Variants in HYDIN observed in about 807,000 individuals in gnomAD.
The protein encoded by HYDIN is axonemal central pair apparatus protein HYDIN.
HYDIN carries 132 observed loss-of-function variants against 403.9 expected under a neutral mutation model. The observed-to-expected ratio is 0.33, with a 90% CI of 0.28 to 0.38. The LOEUF is 0.38. HYDIN is among the 10% of genes least tolerant of loss of function. The pLI, the probability that HYDIN is intolerant of heterozygous loss-of-function variation, is 1.00. For missense variants in HYDIN, 2,827 were observed against 5,009.5 expected (o/e 0.56, Z 13.15); for synonymous variants, 1,202 against 1,891.7 (o/e 0.64, Z 9.46).
At chr16:71,160,239 A>T (rs2085945855) in intron 6 of HYDIN, among the ~76,000 whole-genome samples, 1 of 147,876 alleles carries the variant, frequency 6.8e-6, no homozygotes, top group Non-Finnish European at 1.5e-5. Flanking sequence ...CACAGCAGTA[A>T]GCCACTGAGC....
intron 60 of HYDIN, among the ~76,000 whole-genome samples, chr16:70,880,675 C>T (rs1346476611): frequency 6.6e-6 from 1 of 152,160 alleles, no homozygotes; most frequent in Non-Finnish European, 1.5e-5. Flanking sequence ...GCTAGAACAA[C>T]CTCCCACAGC....
At chr16:71,135,392 A>C (rs1021585316) in intron 8 of HYDIN, among the ~76,000 whole-genome samples, 1 of 146,848 alleles carries the variant, frequency 6.8e-6, no homozygotes, top group African/African-American at 2.5e-5. Context: ...ATTGGTTTAA[A>C]TTTTTTTAGA....
intron 83 of HYDIN, among the ~76,000 whole-genome samples, chr16:70,819,041 G>A (rs1386483033): frequency 1.4e-5 from 2 of 142,308 alleles, no homozygotes; most frequent in African/African-American, 3.0e-5. Context: ...AGCCTCACAA[G>A]TAAGCTGGGA....
At chr16:71,223,939 C>T (rs561846840) in intron 1 of HYDIN, among the ~76,000 whole-genome samples, 12 of 152,336 alleles carry the variant, frequency 7.9e-5, no homozygotes, top group African/African-American at 2.6e-4. Context: ...AATCCCACTA[C>T]TGGGTATCTA....
At chr16:70,949,063 G>T (rs1359094223) in intron 41 of HYDIN, among the ~76,000 whole-genome samples, 1 of 151,596 alleles carries the variant, frequency 6.6e-6, no homozygotes, top group Non-Finnish European at 1.5e-5. Context: ...CAACCCAAAT[G>T]TCCAACAATG....
At chr16:71,050,043 T>TGG (rs1345794561) in intron 18 of HYDIN, among the ~76,000 whole-genome samples, 3 of 148,588 alleles carry the variant, frequency 2.0e-5, no homozygotes, top group African/African-American at 4.9e-5. Context: ...TGTGTGTGTG[T>TGG]GGGTGTGTGT....
At chr16:71,156,491 AG>A (rs2085773080) in intron 6 of HYDIN, among the ~76,000 whole-genome samples, 1 of 152,180 alleles carries the variant, frequency 6.6e-6, no homozygotes, top group South Asian at 2.1e-4. Context: ...TTGTTCTTCA[AG>A]GGTATAAGGA....
intron 18 of HYDIN, among the ~76,000 whole-genome samples, chr16:71,055,117 G>A (rs1322450080): frequency 1.3e-5 from 2 of 152,282 alleles, no homozygotes; most frequent in Non-Finnish European, 2.9e-5. Flanking sequence ...ATGAAACCGT[G>A]CTCCTTTCAC....
chr16:71,060,404 G>A (rs1010855197), intron 18 of HYDIN, 100 bp downstream of exon 18: 20 of 635,598 alleles, frequency 3.1e-5, no homozygotes, highest in Non-Finnish European at 5.7e-5. Flanking sequence ...ACATAACCAT[G>A]CAAATCTCTG....
chr16:71,188,538 A>T (rs1369532625), intron 1 of HYDIN, among the ~76,000 whole-genome samples: 1 of 152,230 alleles, frequency 6.6e-6, no homozygotes, highest in Non-Finnish European at 1.5e-5. Flanking sequence ...AATATTTTAG[A>T]GTGTGAAACA....
At chr16:71,078,429 T>C (rs567487083) in intron 13 of HYDIN, among the ~76,000 whole-genome samples, 7 of 152,280 alleles carry the variant, frequency 4.6e-5, no homozygotes, top group African/African-American at 1.7e-4. Context: ...CATTCTCTTA[T>C]CTGTTTTTAC....
intron 45 of HYDIN, among the ~76,000 whole-genome samples, chr16:70,932,881 T>G (rs2077388146): frequency 6.6e-6 from 1 of 152,020 alleles, no homozygotes; most frequent in South Asian, 2.1e-4. Context: ...ATACACACCT[T>G]TCAACCCTGG....
chr16:70,964,509 T>C (rs1466787810), intron 37 of HYDIN, among the ~76,000 whole-genome samples: 19 of 151,540 alleles, frequency 1.3e-4, no homozygotes, highest in African/African-American at 4.3e-4. Flanking sequence ...ACTACCCCAA[T>C]TGGGCCCTAG....
intron 18 of HYDIN, among the ~76,000 whole-genome samples, chr16:71,055,590 G>GC (rs2144250425): frequency 6.6e-6 from 1 of 151,884 alleles, no homozygotes; most frequent in Admixed American, 6.6e-5. Context: ...CTCCCTTGCT[G>GC]CCATATCACT....
intron 75 of HYDIN, among the ~76,000 whole-genome samples, chr16:70,843,088 T>A (rs1366813696): frequency 1.3e-5 from 2 of 151,010 alleles, no homozygotes; most frequent in African/African-American, 4.9e-5. Flanking sequence ...CATGTGCACA[T>A]TGTGCAGGTT....
intron 45 of HYDIN, among the ~76,000 whole-genome samples, chr16:70,925,842 C>CA (rs1374549005): frequency 2.6e-5 from 4 of 151,908 alleles, no homozygotes; most frequent in African/African-American, 9.7e-5. Context: ...TTTATGCAGC[C>CA]AAAAAACACA....
chr16:70,945,726 G>A (rs893123162), intron 41 of HYDIN, among the ~76,000 whole-genome samples: 2 of 152,166 alleles, frequency 1.3e-5, no homozygotes, highest in African/African-American at 2.4e-5. Context: ...CGAAGAAAGC[G>A]TTTCCAAGAG....
At chr16:71,043,975 G>GGA (rs1181842018) in intron 18 of HYDIN, among the ~76,000 whole-genome samples, 189 of 151,032 alleles carry the variant, frequency 1.3e-3, no homozygotes, top group African/African-American at 4.3e-3. Context: ...AGGGAGAGGT[G>GGA]GAGAGAGAGA....
chr16:71,093,754 G>A (rs199589700), intron 11 of HYDIN, 63 bp downstream of exon 11: 1 of 1,574,016 alleles, frequency 6.4e-7, no homozygotes, highest in Non-Finnish European at 8.6e-7. Flanking sequence ...AAACATATAA[G>A]ATAAAACAAA....
Sources: allele counts gnomAD v4.1 joint callset (sites outside exome capture counted in the v4.1 genomes callset), GRCh38; gene constraint gnomAD v4.1.1; transcripts MANE v1.5; gene names NCBI Gene and HGNC (gene_info 2026-07-23, HGNC 2026-07-21).